Variants in RAB9A observed in about 807,000 individuals in gnomAD.
The protein encoded by RAB9A is RAB9A, member RAS oncogene family.
RAB9A carries 1 observed loss-of-function variant against 10.3 expected under a neutral mutation model. The observed-to-expected ratio is 0.10, with a 90% CI of 0.03 to 0.46. The LOEUF is 0.46. Among genes scored for constraint, RAB9A ranks in the 20% least tolerant of loss-of-function variants. The pLI is 0.96. For missense variants in RAB9A, 92 were observed against 150.3 expected, an observed-to-expected ratio of 0.61 and a Z score of 2.03; for synonymous variants, 39 against 55.2, an observed-to-expected ratio of 0.71 and a Z score of 1.30.
At chrX:13,691,968 CAG>C (rs972935109) in intron 1 of RAB9A, among the ~76,000 whole-genome samples, 3 of 108,507 alleles carry the variant, frequency 2.8e-5, no homozygotes, top group Non-Finnish European at 5.7e-5. Context: ...TACTCAAGGA[CAG>C]GGGCCAGGTG....
chrX:13,691,154 C>T (rs1388307026), intron 1 of RAB9A, among the ~76,000 whole-genome samples: 1 of 111,315 alleles, frequency 9.0e-6, no homozygotes, highest in African/African-American at 3.3e-5. Context: ...TACAGGACAG[C>T]CCCCCACAAC....
chrX:13,692,826 G>A (rs901528719), intron 1 of RAB9A, among the ~76,000 whole-genome samples: 3 of 112,013 alleles, frequency 2.7e-5, no homozygotes, highest in Non-Finnish European at 5.6e-5. Flanking sequence ...TTTGACTCAT[G>A]CCAATGCACA....
chrX:13,695,153 G>T (rs1467631606), intron 1 of RAB9A, among the ~76,000 whole-genome samples: 1 of 112,321 alleles, frequency 8.9e-6, no homozygotes, highest in African/African-American at 3.2e-5. Flanking sequence ...CCAGTTCTCT[G>T]GTGGGAATCA....
rs192060237 is a variant in RAB9A, at chrX:13,690,266, A to G, written c.-116+978A>G. Among the ~76,000 whole-genome samples the G allele has an allele frequency of 1.1e-3, 128 of 112,428 alleles. 1 individual carries two copies. Among genetic ancestry groups the G allele is most frequent in the South Asian group, 8.1e-3 (22 of 2,732 alleles). On this transcript the variant is annotated intron_variant, in intron 1 of 2. Transcript: ENST00000464506. ...TTCAGTTAGGAACTTTTAAGAAGCCAGCCTTTAGTTTTTCCTTTAGAAGAT... is the reference window on the plus strand; with the variant it reads ...TTCAGTTAGGAACTTTTAAGAAGCCGGCCTTTAGTTTTTCCTTTAGAAGAT...
chrX:13,697,695 G>A (rs2046153272), intron 1 of RAB9A, among the ~76,000 whole-genome samples: 2 of 111,737 alleles, frequency 1.8e-5, no homozygotes, highest in Non-Finnish European at 3.8e-5. Context: ...GGTGTTATGA[G>A]CTACAGAAAT....
At chrX:13,701,501 A>G (rs2046173599) in intron 1 of RAB9A, among the ~76,000 whole-genome samples, 1 of 111,617 alleles carries the variant, frequency 9.0e-6, no homozygotes, top group Non-Finnish European at 1.9e-5. Context: ...GCAATCTAAA[A>G]CATTGACAAC....
rs1473058491 is a variant in RAB9A, at chrX:13,703,907, G to A, written c.-27+5G>A. 6.2e-5 allele frequency: 7 copies of A among 112,307 alleles called. No individual in the cohort carries two copies. Among genetic ancestry groups the A allele is most frequent in the Admixed American group, 2.8e-4 (3 of 10,613 alleles). The allele number at this position is 112,307 out of a possible 1,213,427, so 9.3% of individuals were successfully genotyped here. ...TCTTCTCAACAACCCTAGGAGGTAG[G>A]TACTGTTGTCACTGTTGTTCCCATG... On this transcript the variant is annotated splice_donor_5th_base_variant and intron_variant, in intron 2 of 2. Transcript: ENST00000464506.
intron 1 of RAB9A, among the ~76,000 whole-genome samples, chrX:13,696,083 C>T (rs2046146384): frequency 9.1e-6 from 1 of 109,849 alleles, no homozygotes; most frequent in Admixed American, 9.8e-5. Flanking sequence ...AGACACTTTC[C>T]CAGTTAGACC....
chrX:13,689,710 C>T (rs1300312806), intron 1 of RAB9A, among the ~76,000 whole-genome samples: 1 of 111,598 alleles, frequency 9.0e-6, no homozygotes, highest in Non-Finnish European at 1.9e-5. Flanking sequence ...AAAGGCGCTC[C>T]CATGACTTGA....
intron 1 of RAB9A, among the ~76,000 whole-genome samples, chrX:13,690,122 T>C (rs1971533835): frequency 9.0e-6 from 1 of 111,595 alleles, no homozygotes; most frequent in Non-Finnish European, 1.9e-5. Flanking sequence ...TGATTGCTTC[T>C]TTAAAAATGT....
chrX:13,705,670 A>C (rs778925516), intron 2 of RAB9A, among the ~76,000 whole-genome samples: 1 of 112,211 alleles, frequency 8.9e-6, no homozygotes, highest in African/African-American at 3.2e-5. Context: ...TAAGGCTGTT[A>C]GATCAGTAGA....
rs1383719184 is a variant in RAB9A, at chrX:13,690,742, C to T, written c.-116+1454C>T. On this transcript the variant is annotated intron_variant, in intron 1 of 2. Coordinates refer to ENST00000464506, the MANE Select transcript of RAB9A (RefSeq NM_004251.5). ...GACCATTTATTGAGCACTCACTCTG[C>T]GGCGAATATTCCGTACGTGTAAATC... Among the ~76,000 whole-genome samples, 7 of 111,515 alleles carry T rather than the reference C, an allele frequency of 6.3e-5. No individual in the cohort carries two copies. The East Asian group carries it at 1.7e-3, about 27-fold the overall frequency.
intron 1 of RAB9A, among the ~76,000 whole-genome samples, chrX:13,689,672 A>G (rs2046111196): frequency 9.0e-6 from 1 of 111,415 alleles, no homozygotes; most frequent in Non-Finnish European, 1.9e-5. Context: ...ACCAAATCCT[A>G]CACCCGAATG....
Position 13,709,949 on chromosome X carries a change from A to G in RAB9A, c.*597A>G, listed in dbSNP as rs752991736. 2 of 123,114 alleles carry G rather than the reference A, an allele frequency of 1.6e-5. No homozygotes were observed. Among genetic ancestry groups the G allele is most frequent in the South Asian group, 7.5e-4 (2 of 2,665 alleles). The allele number at this position is 123,114 out of a possible 1,213,427, so 10.1% of individuals were successfully genotyped here. A position where few individuals can be genotyped will look rare whatever the true frequency, so the allele number is the denominator to read the frequency against. ...ATTTGTGTGCCATTCATGCACCCCCACCCCCATAAATCATGTTCCACAGTC... is the reference window on the plus strand; with the variant it reads ...ATTTGTGTGCCATTCATGCACCCCCGCCCCCATAAATCATGTTCCACAGTC... On this transcript the variant is annotated 3_prime_UTR_variant, in exon 3 of 3. Coordinates refer to ENST00000464506, the MANE Select transcript of RAB9A (RefSeq NM_004251.5).
intron 1 of RAB9A, among the ~76,000 whole-genome samples, chrX:13,691,299 A>G (rs754408198): frequency 9.0e-6 from 1 of 111,176 alleles, no homozygotes; most frequent in Admixed American, 9.6e-5. Context: ...CCTATTTGGG[A>G]TACCTCATCA....
intron 1 of RAB9A, among the ~76,000 whole-genome samples, chrX:13,694,983 C>G (rs1203241797): frequency 8.9e-6 from 1 of 111,745 alleles, no homozygotes; most frequent in African/African-American, 3.3e-5. Flanking sequence ...TGCTTTCTCT[C>G]CATTTTCTGC....
intron 1 of RAB9A, among the ~76,000 whole-genome samples, chrX:13,702,946 G>C (rs910216616): frequency 8.9e-6 from 1 of 112,129 alleles, no homozygotes; most frequent in Non-Finnish European, 1.9e-5. Context: ...CAAATGGTAA[G>C]CTTCTGCAAA....
At chrX:13,702,533 A>G (rs2046178722) in intron 1 of RAB9A, among the ~76,000 whole-genome samples, 1 of 112,098 alleles carries the variant, frequency 8.9e-6, no homozygotes, top group African/African-American at 3.2e-5. Flanking sequence ...AGCAAGTGAA[A>G]TAGTTGGCCT....
chrX:13,708,428 CAT>C (rs1256766427), intron 2 of RAB9A, among the ~76,000 whole-genome samples: 2 of 111,180 alleles, frequency 1.8e-5, no homozygotes, highest in East Asian at 5.6e-4. Flanking sequence ...AGGGGCTTAT[CAT>C]AGAGTAACGG....
Sources: allele counts gnomAD v4.1 joint callset (sites outside exome capture counted in the v4.1 genomes callset), GRCh38; gene constraint gnomAD v4.1.1; transcripts MANE v1.5; gene names NCBI Gene and HGNC (gene_info 2026-07-23, HGNC 2026-07-21).